Variants in LRRC3B observed in about 807,000 individuals in gnomAD.
LRRC3B encodes the protein leucine-rich repeat-containing protein 3B.
LRRC3B carries 2 observed loss-of-function variants against 12.8 expected under a neutral mutation model. The ratio of observed to expected loss-of-function variants is 0.16; its 90% confidence interval spans 0.06 to 0.49. LRRC3B has a LOEUF of 0.49. Among genes scored for constraint, LRRC3B ranks in the 20% least tolerant of loss-of-function variants. LRRC3B has a pLI of 0.96. For synonymous variants in LRRC3B, 132 were observed against 122.0 expected (o/e 1.08, Z -0.54); for missense variants, 189 against 319.4 (o/e 0.59, Z 3.11).
intron 1 of LRRC3B, chr3:26,623,685 AG>A (rs1698558647): frequency 6.6e-6 from 1 of 152,286 alleles, no homozygotes; most frequent in Non-Finnish European, 1.5e-5. Flanking sequence ...GGAGCTGGGT[AG>A]GGACAGAGAA....
chr3:26,698,472 A>G (rs578072068), intron 1 of LRRC3B, among the ~76,000 whole-genome samples: 1 of 152,188 alleles, frequency 6.6e-6, no homozygotes, highest in East Asian at 1.9e-4. Flanking sequence ...TCCATTTTGT[A>G]TCACTCTGAG....
chr3:26,665,172 C>A (rs963451073), intron 1 of LRRC3B, among the ~76,000 whole-genome samples: 1 of 151,980 alleles, frequency 6.6e-6, no homozygotes, highest in Non-Finnish European at 1.5e-5. Flanking sequence ...CACAGCATCT[C>A]CTTCTGAAGA....
chr3:26,641,885 G>A (rs1699039194), intron 1 of LRRC3B, among the ~76,000 whole-genome samples: 1 of 152,162 alleles, frequency 6.6e-6, no homozygotes, highest in Non-Finnish European at 1.5e-5. Flanking sequence ...GGATCTTAAA[G>A]AGGTCTTGTT....
In LRRC3B at chr3:26,657,907, T is replaced by C. The variant is rs1188430690; in HGVS notation, c.-161+34670T>C. 2.0e-5 allele frequency among the ~76,000 whole-genome samples: 3 copies of C among 152,308 alleles called. 1 individual carries two copies. The South Asian group carries it at 6.2e-4, about 32-fold the overall frequency. ...TGAGGCCGCATCTGCCTTTTCAAACTTTGATAAGTAAATACCAAGAGATAT... is the reference window on the plus strand; with the variant it reads ...TGAGGCCGCATCTGCCTTTTCAAACCTTGATAAGTAAATACCAAGAGATAT... On this transcript the variant is annotated intron_variant, in intron 1 of 1. Coordinates refer to ENST00000396641, the Ensembl canonical transcript of LRRC3B.
At chr3:26,652,494 A>G (rs746808354) in intron 1 of LRRC3B, among the ~76,000 whole-genome samples, 5 of 152,228 alleles carry the variant, frequency 3.3e-5, no homozygotes, top group Non-Finnish European at 7.3e-5. Flanking sequence ...GAGGGGTAGT[A>G]GAACAGAGTC....
chr3:26,671,400 A>AGAGAGAGAGAGAGAGAGAGAGAGAGAGG (rs1205520032), intron 1 of LRRC3B, among the ~76,000 whole-genome samples: 2 of 126,940 alleles, frequency 1.6e-5, no homozygotes, highest in Admixed American at 8.2e-5. Context: ...AGAGAGAGAG[A>AGAGAGAGAGAGAGAGAGAGAGAGAGAGG]GAGAGAGAGA....
chr3:26,629,743 AT>A (rs1313153636), intron 1 of LRRC3B, among the ~76,000 whole-genome samples: 16 of 152,050 alleles, frequency 1.1e-4, no homozygotes, highest in Admixed American at 5.9e-4. Context: ...CTAGTTTGTT[AT>A]TTTAACTGTG....
At position 26,671,371 on chromosome 3, in the gene LRRC3B, T is replaced by TAGAGAGAG. The variant is rs1207421811; in HGVS notation, c.-160-38141_-160-38140insGAGAGAGA. ...GTGTGTATATATATATATATATATATATAGAGAGAGAGAGAGAGAGAGAGA... is the reference window on the plus strand; with the variant it reads ...GTGTGTATATATATATATATATATATAGAGAGAGATAGAGAGAGAGAGAGAGAGAGAGA... On this transcript the variant is annotated intron_variant, in intron 1 of 1. Transcript: ENST00000396641. 7.2e-3 allele frequency among the ~76,000 whole-genome samples: 257 copies of TAGAGAGAG among 35,938 alleles called. 4 individuals are homozygous for TAGAGAGAG. The highest frequency in any genetic ancestry group is 0.026 in the Middle Eastern group (1 of 38). 23.6% of individuals were successfully genotyped at this position (35,938 alleles called of 152,430 possible).
At chr3:26,693,041 C>A (rs1049114149) in intron 1 of LRRC3B, among the ~76,000 whole-genome samples, 1 of 152,162 alleles carries the variant, frequency 6.6e-6, no homozygotes, top group Admixed American at 6.5e-5. Flanking sequence ...GTTCTAAGAT[C>A]AAGAGCAGGC....
At chr3:26,673,283 G>T (rs1420329699) in intron 1 of LRRC3B, among the ~76,000 whole-genome samples, 1 of 151,816 alleles carries the variant, frequency 6.6e-6, no homozygotes, top group Non-Finnish European at 1.5e-5. Context: ...TTATCTTAAG[G>T]TTTTCATTTC....
chr3:26,627,431 TAGGACCTAGGCCATCCTATAGTG>T (rs757612293), intron 1 of LRRC3B, among the ~76,000 whole-genome samples: 49 of 152,240 alleles, frequency 3.2e-4, no homozygotes, highest in South Asian at 6.2e-4. Flanking sequence ...TGTGGCACAC[TAGGACCTAGGCCATCCTATAGTG>T]AGGACCTAGG....
At chr3:26,674,725 C>G (rs115354125) in intron 1 of LRRC3B, among the ~76,000 whole-genome samples, 4,924 of 152,244 alleles carry the variant, frequency 0.032, 122 homozygotes, top group South Asian at 0.049. Context: ...GGAAGCCCCA[C>G]AAACATCTCA....
At chr3:26,683,954 G>A (rs986498547) in intron 1 of LRRC3B, among the ~76,000 whole-genome samples, 4 of 152,204 alleles carry the variant, frequency 2.6e-5, no homozygotes, top group Non-Finnish European at 4.4e-5. Context: ...TGTGAGAAAA[G>A]CTGATCCTCT....
At chr3:26,666,624 C>T (rs1007253716) in intron 1 of LRRC3B, among the ~76,000 whole-genome samples, 5 of 152,092 alleles carry the variant, frequency 3.3e-5, no homozygotes, top group African/African-American at 1.2e-4. Flanking sequence ...TCCTATATAA[C>T]CCCACCAAGT....
chr3:26,661,882 T>A (rs2125423505), intron 1 of LRRC3B, among the ~76,000 whole-genome samples: 1 of 152,304 alleles, frequency 6.6e-6, no homozygotes, highest in East Asian at 1.9e-4. Flanking sequence ...CTCTGACACT[T>A]CTGTGCCTTT....
chr3:26,669,951 C>A (rs1461549792), intron 1 of LRRC3B, among the ~76,000 whole-genome samples: 1 of 152,194 alleles, frequency 6.6e-6, no homozygotes, highest in East Asian at 1.9e-4. Context: ...CAATGTTCAT[C>A]ACATTTTCTT....
chr3:26,680,699 G>A (rs1439364041), intron 1 of LRRC3B, among the ~76,000 whole-genome samples: 1 of 152,174 alleles, frequency 6.6e-6, no homozygotes. Context: ...AATATGCCAA[G>A]ATTATTTGGC....
chr3:26,699,021 G>A (rs985194825), intron 1 of LRRC3B, among the ~76,000 whole-genome samples: 12 of 151,806 alleles, frequency 7.9e-5, no homozygotes, highest in Admixed American at 7.9e-4. Flanking sequence ...TAAAGCCTGT[G>A]TTTTATTGTT....
rs1553605090 is a variant in LRRC3B, at chr3:26,691,105, G to GTATA, written c.-160-18382_-160-18379dup. Among the ~76,000 whole-genome samples, 549 of 84,818 alleles carry GTATA rather than the reference G, an allele frequency of 6.5e-3. 10 individuals are homozygous for GTATA. The highest frequency in any genetic ancestry group is 0.05 in the Middle Eastern group (5 of 100). 55.6% of individuals were successfully genotyped at this position (84,818 alleles called of 152,430 possible). On this transcript the variant is annotated intron_variant, in intron 1 of 1. Coordinates refer to ENST00000396641, the Ensembl canonical transcript of LRRC3B. Reference sequence around the variant, plus strand: ...TGTGTGTGTATATGTGTGTGTGTGTGTATATATATATATATATATATATAT... The same window carrying GTATA: ...TGTGTGTGTATATGTGTGTGTGTGTGTATATATATATATATATATATATATATAT...
Sources: allele counts gnomAD v4.1 joint callset (sites outside exome capture counted in the v4.1 genomes callset), GRCh38; gene constraint gnomAD v4.1.1; transcripts MANE v1.5; gene names NCBI Gene and HGNC (gene_info 2026-07-23, HGNC 2026-07-21).